The following STAG1 variants were observed in gnomAD, a reference collection of about 807,000 sequenced individuals.
STAG1 encodes the protein STAG1 cohesin complex component.
In STAG1, 26 loss-of-function variants were observed where a neutral mutation model predicts 170.9. That is an observed-to-expected ratio of 0.15 (90% CI 0.11 to 0.21). STAG1 has a LOEUF of 0.21. STAG1 is among the 10% of genes least tolerant of loss of function. STAG1 has a pLI of 1.00. For synonymous variants in STAG1, 514 were observed against 497.7 expected, an observed-to-expected ratio of 1.03 and a Z score of -0.44; for missense variants, 964 against 1,509.5, an observed-to-expected ratio of 0.64 and a Z score of 5.99.
chr3:136,423,135 T>G (rs2088008123), intron 16 of STAG1, 91 bp from the exon 17 acceptor site: 1 of 768,458 alleles, frequency 1.3e-6, no homozygotes, highest in East Asian at 2.9e-5. Flanking sequence ...GCAAATAATA[T>G]AACCACAAAT....
At chr3:136,536,732 G>C (rs188401312) in intron 6 of STAG1, among the ~76,000 whole-genome samples, 2 of 150,266 alleles carry the variant, frequency 1.3e-5, no homozygotes, top group East Asian at 3.9e-4. Flanking sequence ...AAAAACTACG[G>C]CTGTAGGAGC....
intron 12 of STAG1, among the ~76,000 whole-genome samples, chr3:136,466,157 G>C (rs1471428435): frequency 6.6e-6 from 1 of 152,198 alleles, no homozygotes; most frequent in Non-Finnish European, 1.5e-5. Context: ...GACGGAGAAT[G>C]ACTTTCACGA....
At chr3:136,618,123 C>T (rs1334953048) in intron 3 of STAG1, among the ~76,000 whole-genome samples, 5 of 152,176 alleles carry the variant, frequency 3.3e-5, no homozygotes, top group Admixed American at 6.5e-5. Flanking sequence ...CATAAAGCAA[C>T]CTTTTCCAAT....
At chr3:136,396,752 T>C (rs1266408531) in intron 22 of STAG1, among the ~76,000 whole-genome samples, 1 of 151,464 alleles carries the variant, frequency 6.6e-6, no homozygotes, top group Non-Finnish European at 1.5e-5. Context: ...GGTCTCGAAC[T>C]CTTGACCTTG....
intron 32 of STAG1, 98 bp from the exon 33 acceptor site, chr3:136,338,548 G>A: frequency 1.2e-6 from 1 of 835,124 alleles, no homozygotes; most frequent in South Asian, 1.6e-5. Flanking sequence ...ATAAATATAT[G>A]GAACTGCTAA....
chr3:136,433,466 G>T, intron 16 of STAG1, 90 bp downstream of exon 16: 1 of 863,006 alleles, frequency 1.2e-6, no homozygotes, highest in East Asian at 2.6e-5. Context: ...ATGTTTTTAG[G>T]GATACAAATA....
At position 136,530,447 on chromosome 3, in the gene STAG1, T is replaced by C. The variant is rs115338541; in HGVS notation, c.472-9030A>G. On this transcript the variant is annotated intron_variant, in intron 6 of 33. Transcript: ENST00000383202. ...TGAGATCAGACAAAATTGGGTGCGT[T>C]CAGGGTGGTATGGCCATAGACAGAA... is the stretch of plus-strand genomic sequence containing the variant. Among the ~76,000 whole-genome samples the C allele has an allele frequency of 6.2e-3, 946 of 152,280 alleles. 6 individuals carry two copies. Among genetic ancestry groups the C allele is most frequent in the Non-Finnish European group, 8.9e-3 (604 of 68,022 alleles).
intron 14 of STAG1, among the ~76,000 whole-genome samples, chr3:136,446,442 A>G (rs1384933861): frequency 1.3e-5 from 2 of 151,736 alleles, no homozygotes; most frequent in Non-Finnish European, 2.9e-5. Context: ...TTTTATTTTT[A>G]GACAGAGTCT....
At chr3:136,568,943 TTGTG>T (rs1937171190) in intron 4 of STAG1, 82 bp from the exon 5 acceptor site, 3 of 967,490 alleles carry the variant, frequency 3.1e-6, no homozygotes, top group Non-Finnish European at 4.7e-6. Context: ...GTTTGTGTGT[TTGTG>T]TGTGTTTCTA....
intron 1 of STAG1, among the ~76,000 whole-genome samples, chr3:136,748,679 G>A (rs978426197): frequency 1.3e-5 from 2 of 152,282 alleles, no homozygotes; most frequent in Admixed American, 6.5e-5. Flanking sequence ...TGGGATTACA[G>A]GTGTCAGCCA....
At chr3:136,472,625 G>A in intron 11 of STAG1, 133 bp from the exon 12 acceptor site, 1 of 578,526 alleles carries the variant, frequency 1.7e-6, no homozygotes, top group Non-Finnish European at 3.1e-6. Flanking sequence ...TCTTGAAACT[G>A]CAGTATTGTA....
intron 1 of STAG1, among the ~76,000 whole-genome samples, chr3:136,636,664 G>A (rs1576697233): frequency 6.6e-6 from 1 of 152,184 alleles, no homozygotes; most frequent in East Asian, 1.9e-4. Context: ...AGTTCCTACA[G>A]CATACTTCTG....
intron 6 of STAG1, among the ~76,000 whole-genome samples, chr3:136,535,987 T>G (rs1935602478): frequency 6.6e-6 from 1 of 152,206 alleles, no homozygotes; most frequent in Non-Finnish European, 1.5e-5. Flanking sequence ...AAATCCAATT[T>G]TGTACGAGTT....
chr3:136,456,095 A>C (rs766358869), intron 13 of STAG1, among the ~76,000 whole-genome samples: 11 of 152,220 alleles, frequency 7.2e-5, no homozygotes, highest in Non-Finnish European at 1.5e-4. Flanking sequence ...CTCTTCAAAT[A>C]CACAAGCATC....
At chr3:136,450,937 C>T (rs982759410) in intron 14 of STAG1, among the ~76,000 whole-genome samples, 11 of 152,054 alleles carry the variant, frequency 7.2e-5, no homozygotes, top group South Asian at 2.1e-4. Context: ...TTAGTAGAGA[C>T]GGACTTTTGC....
At chr3:136,338,893 C>CAAAAACTTACAAAACTTACAAAACTTACA (rs1242714808) in intron 32 of STAG1, among the ~76,000 whole-genome samples, 1 of 152,144 alleles carries the variant, frequency 6.6e-6, no homozygotes, top group Non-Finnish European at 1.5e-5. Flanking sequence ...TTTATATTTA[C>CAAAAACTTACAAAACTTACAAAACTTACA]AAAACTTACA....
At chr3:136,463,727 AT>A (rs1374690038) in intron 13 of STAG1, among the ~76,000 whole-genome samples, 4 of 88,534 alleles carry the variant, frequency 4.5e-5, no homozygotes, top group African/African-American at 9.8e-5. Context: ...AAAAAAAAAA[AT>A]GTGTATATGT....
chr3:136,622,991 C>T (rs149406198), intron 3 of STAG1, among the ~76,000 whole-genome samples, 155 bp downstream of exon 3: 1 of 152,280 alleles, frequency 6.6e-6, no homozygotes, highest in East Asian at 1.9e-4. Flanking sequence ...CTGATCACTG[C>T]CAAGACAATT....
At chr3:136,486,035 C>T (rs1307743030) in intron 9 of STAG1, among the ~76,000 whole-genome samples, 2 of 152,178 alleles carry the variant, frequency 1.3e-5, no homozygotes, top group African/African-American at 4.8e-5. Flanking sequence ...TTTTAAAATA[C>T]TGCATCGGGA....
Sources: allele counts gnomAD v4.1 joint callset (sites outside exome capture counted in the v4.1 genomes callset), GRCh38; gene constraint gnomAD v4.1.1; transcripts MANE v1.5; gene names NCBI Gene and HGNC (gene_info 2026-07-23, HGNC 2026-07-21).